RBFOX1: variants seen among roughly 807,000 people sequenced by gnomAD.
RBFOX1 encodes the protein RNA binding protein fox-1 homolog 1.
RBFOX1 carries 8 observed loss-of-function variants against 57.7 expected under a neutral mutation model. The observed-to-expected ratio is 0.14, with a 90% CI of 0.08 to 0.25. RBFOX1 has a LOEUF of 0.25. Among genes scored for constraint, RBFOX1 ranks in the 10% least tolerant of loss-of-function variants. The pLI, the probability that RBFOX1 is intolerant of heterozygous loss-of-function variation, is 1.00. For missense variants in RBFOX1, 611 were observed against 548.5 expected (o/e 1.11, Z -1.14); for synonymous variants, 326 against 222.4 (o/e 1.47, Z -4.15).
intron 2 of RBFOX1, among the ~76,000 whole-genome samples, chr16:6,439,100 A>C (rs2094311120): frequency 6.6e-6 from 1 of 151,964 alleles, no homozygotes; most frequent in Non-Finnish European, 1.5e-5. Context: ...TGTTGTGAAA[A>C]CCTATGCACT....
intron 1 of RBFOX1, among the ~76,000 whole-genome samples, chr16:5,446,810 C>T (rs1414387219): frequency 1.3e-5 from 2 of 152,126 alleles, no homozygotes; most frequent in African/African-American, 2.4e-5. Context: ...CTGGGCTCCA[C>T]GTGGCAGAGG....
intron 5 of RBFOX1, among the ~76,000 whole-genome samples, chr16:7,546,015 A>T (rs1567760898): frequency 1.4e-4 from 2 of 14,308 alleles, no homozygotes; most frequent in African/African-American, 1.4e-4. Context: ...CTGAGCTTAT[A>T]AAAAAAAAAA....
intron 1 of RBFOX1, among the ~76,000 whole-genome samples, chr16:6,158,930 T>C (rs1416961216): frequency 6.6e-6 from 1 of 150,572 alleles, no homozygotes; most frequent in East Asian, 2.0e-4. Context: ...TTTGAGACAG[T>C]CTCTCTCTGT....
At chr16:6,406,914 C>G (rs116583916) in intron 2 of RBFOX1, among the ~76,000 whole-genome samples, 1 of 152,228 alleles carries the variant, frequency 6.6e-6, no homozygotes, top group African/African-American at 2.4e-5. Context: ...GACTGTGTGA[C>G]TACGGAAAAA....
At chr16:7,179,955 C>G (rs535796116) in intron 4 of RBFOX1, among the ~76,000 whole-genome samples, 6 of 151,690 alleles carry the variant, frequency 4.0e-5, no homozygotes, top group Non-Finnish European at 8.8e-5. Flanking sequence ...GTTTGCCAGG[C>G]AGATCTAGAA....
At chr16:6,313,532 A>C (rs1319759416) in intron 1 of RBFOX1, among the ~76,000 whole-genome samples, 2 of 152,180 alleles carry the variant, frequency 1.3e-5, no homozygotes, top group Non-Finnish European at 2.9e-5. Context: ...CTGGCTGTCC[A>C]AGGGTCATCA....
At chr16:5,856,561 G>GTATATA (rs200574788) in intron 3 of RBFOX1, among the ~76,000 whole-genome samples, 1 of 44,348 alleles carries the variant, frequency 2.3e-5, no homozygotes, top group Non-Finnish European at 4.1e-5. Flanking sequence ...GTGTGTGTGT[G>GTATATA]TATGTGTGTG....
intron 4 of RBFOX1, among the ~76,000 whole-genome samples, chr16:7,159,520 G>T (rs990734775): frequency 6.6e-6 from 1 of 152,168 alleles, no homozygotes; most frequent in Non-Finnish European, 1.5e-5. Flanking sequence ...CGCTCCATGC[G>T]CTAGGACTAT....
intron 1 of RBFOX1, among the ~76,000 whole-genome samples, chr16:6,181,534 T>A (rs1454849744): frequency 2.6e-5 from 4 of 152,176 alleles, no homozygotes; most frequent in Non-Finnish European, 5.9e-5. Context: ...TCCCAAATAT[T>A]TTTCACGTGA....
intron 3 of RBFOX1, among the ~76,000 whole-genome samples, chr16:6,996,185 C>T (rs2092219951): frequency 6.6e-6 from 1 of 152,180 alleles, no homozygotes. Flanking sequence ...CCCGATAAAT[C>T]ATTGCCTTTT....
chr16:6,153,449 A>T (rs7194316), intron 1 of RBFOX1, among the ~76,000 whole-genome samples: 4,447 of 152,172 alleles, frequency 0.029, 207 homozygotes, highest in African/African-American at 0.099. Context: ...ATTGTTTTGT[A>T]TTTGTTCTTA....
At chr16:7,143,645 T>C (rs1186091463) in intron 4 of RBFOX1, among the ~76,000 whole-genome samples, 10 of 152,158 alleles carry the variant, frequency 6.6e-5, no homozygotes, top group African/African-American at 2.4e-4. Context: ...TGAGTGAGTC[T>C]CTGAAACCTG....
At chr16:6,275,987 G>C (rs2075761521) in intron 1 of RBFOX1, among the ~76,000 whole-genome samples, 1 of 152,266 alleles carries the variant, frequency 6.6e-6, no homozygotes, top group Middle Eastern at 3.4e-3. Context: ...ATTGATGCTG[G>C]TACTGCAGGT....
At chr16:6,485,100 T>C (rs1249520810) in intron 2 of RBFOX1, among the ~76,000 whole-genome samples, 4 of 152,178 alleles carry the variant, frequency 2.6e-5, no homozygotes, top group Non-Finnish European at 5.9e-5. Context: ...ATGACTAAGT[T>C]TGAAGAGGGT....
At chr16:7,391,917 C>A (rs1000415901) in intron 4 of RBFOX1, among the ~76,000 whole-genome samples, 2 of 152,190 alleles carry the variant, frequency 1.3e-5, no homozygotes, top group Non-Finnish European at 2.9e-5. Flanking sequence ...TATCAACTTG[C>A]GTTAGTTTAC....
intron 4 of RBFOX1, among the ~76,000 whole-genome samples, chr16:7,160,916 G>A (rs146148349): frequency 3.3e-5 from 5 of 150,932 alleles, no homozygotes; most frequent in Non-Finnish European, 7.4e-5. Flanking sequence ...TCTTCAGCCC[G>A]TCTTTTACTT....
chr16:5,807,872 A>G (rs969906892), intron 3 of RBFOX1, among the ~76,000 whole-genome samples: 6 of 152,224 alleles, frequency 3.9e-5, no homozygotes, highest in Admixed American at 3.3e-4. Flanking sequence ...TTTGAGGAGC[A>G]GGGAGCTGGA....
At chr16:7,370,860 C>G (rs1205107820) in intron 4 of RBFOX1, among the ~76,000 whole-genome samples, 1 of 152,194 alleles carries the variant, frequency 6.6e-6, no homozygotes, top group Non-Finnish European at 1.5e-5. Flanking sequence ...GCAAAGAACA[C>G]TGACATTTAT....
intron 3 of RBFOX1, among the ~76,000 whole-genome samples, chr16:5,816,638 G>T (rs1031224505): frequency 7.2e-5 from 11 of 152,092 alleles, no homozygotes; most frequent in Admixed American, 7.2e-4. Context: ...TACAAAATTA[G>T]CCAGATGTCA....
Sources: allele counts gnomAD v4.1 joint callset (sites outside exome capture counted in the v4.1 genomes callset), GRCh38; gene constraint gnomAD v4.1.1; transcripts MANE v1.5; gene names NCBI Gene and HGNC (gene_info 2026-07-23, HGNC 2026-07-21).